The following AFF2 variants were observed in gnomAD, a reference collection of about 807,000 sequenced individuals.
AFF2 encodes AF4/FMR2 family member 2.
Under a neutral mutation model 76.9 loss-of-function variants are expected in AFF2, and 14 were observed. The observed-to-expected ratio is 0.18, with a 90% CI of 0.12 to 0.28. AFF2 has a LOEUF of 0.28. Among genes scored for constraint, AFF2 ranks in the 10% least tolerant of loss-of-function variants. AFF2 has a pLI of 1.00. For synonymous variants in AFF2, 398 were observed against 366.7 expected, an observed-to-expected ratio of 1.09 and a Z score of -0.98; for missense variants, 868 against 1,001.1, an observed-to-expected ratio of 0.87 and a Z score of 1.79.
chrX:148,844,323 C>T (rs2070639207), intron 7 of AFF2, among the ~76,000 whole-genome samples: 1 of 111,312 alleles, frequency 9.0e-6, no homozygotes, highest in Non-Finnish European at 1.9e-5. Context: ...CAGGAAGAGC[C>T]GGAATAAGAT....
intron 7 of AFF2, among the ~76,000 whole-genome samples, chrX:148,860,517 C>T (rs188394527): frequency 2.1e-4 from 23 of 111,522 alleles, no homozygotes; most frequent in African/African-American, 7.1e-4. Flanking sequence ...AGCAAAATGA[C>T]GCTGGAAAAG....
intron 1 of AFF2, among the ~76,000 whole-genome samples, chrX:148,546,588 C>T (rs1205503422): frequency 8.9e-6 from 1 of 112,501 alleles, no homozygotes; most frequent in Non-Finnish European, 1.9e-5. Context: ...ATCATTGTAT[C>T]ATGCTCTGTT....
At chrX:148,907,920 C>CT (rs1385869009) in intron 9 of AFF2, among the ~76,000 whole-genome samples, 1 of 110,027 alleles carries the variant, frequency 9.1e-6, no homozygotes, top group African/African-American at 3.3e-5. Context: ...TAGCCACCCC[C>CT]AAAGCGACCA....
At chrX:148,657,161 A>T (rs922890033) in intron 2 of AFF2, among the ~76,000 whole-genome samples, 2 of 112,076 alleles carry the variant, frequency 1.8e-5, no homozygotes, top group Non-Finnish European at 3.8e-5. Context: ...ATAGAGGTAG[A>T]GGCCAGATGG....
chrX:148,579,304 C>T (rs970490131), intron 1 of AFF2, among the ~76,000 whole-genome samples: 7 of 111,805 alleles, frequency 6.3e-5, no homozygotes, highest in African/African-American at 1.6e-4. Flanking sequence ...GTATTTGTTA[C>T]CAGATTGGCT....
At chrX:148,576,922 T>C (rs886323189) in intron 1 of AFF2, among the ~76,000 whole-genome samples, 1 of 111,669 alleles carries the variant, frequency 9.0e-6, no homozygotes, top group Admixed American at 9.6e-5. Flanking sequence ...ATTCTCTGTT[T>C]AATTGAAATG....
chrX:148,581,606 G>GTACACACATATATACGTATACGTA (rs1557245044), intron 1 of AFF2, among the ~76,000 whole-genome samples: 9 of 95,382 alleles, frequency 9.4e-5, no homozygotes, highest in Non-Finnish European at 1.7e-4. Context: ...ACGTATACGT[G>GTACACACATATATACGTATACGTA]TACACACATA....
chrX:148,984,358 T>C (rs2072437452), intron 19 of AFF2, among the ~76,000 whole-genome samples: 1 of 110,625 alleles, frequency 9.0e-6, no homozygotes, highest in South Asian at 3.9e-4. Flanking sequence ...GCATGCTCAT[T>C]TGCATGTGCC....
chrX:148,520,570 A>G (rs1217911280), intron 1 of AFF2, among the ~76,000 whole-genome samples: 1 of 111,881 alleles, frequency 8.9e-6, no homozygotes, highest in Non-Finnish European at 1.9e-5. Context: ...TTTCTTTTGG[A>G]TGCAATAGAA....
At chrX:148,934,633 C>T (rs782559170) in intron 9 of AFF2, among the ~76,000 whole-genome samples, 7 of 112,038 alleles carry the variant, frequency 6.2e-5, no homozygotes, top group East Asian at 5.6e-4. Context: ...GAGTCTCATT[C>T]GAACCTTGAT....
chrX:148,722,805 A>G (rs2055109462), intron 3 of AFF2, among the ~76,000 whole-genome samples: 1 of 110,951 alleles, frequency 9.0e-6, no homozygotes. Context: ...GTAGCATCTC[A>G]ACTGCCCCAA....
chrX:148,692,912 G>GGTTTTT (rs1231417213), intron 3 of AFF2, among the ~76,000 whole-genome samples: 6 of 110,575 alleles, frequency 5.4e-5, no homozygotes, highest in Non-Finnish European at 7.6e-5. Context: ...AAGGTGCCAG[G>GGTTTTT]GTTTTTGTTT....
chrX:148,541,959 G>C (rs1171292478), intron 1 of AFF2, among the ~76,000 whole-genome samples: 1 of 107,208 alleles, frequency 9.3e-6, no homozygotes, highest in African/African-American at 3.4e-5. Context: ...GCAGAAGTGG[G>C]TTTCACCCTT....
intron 9 of AFF2, among the ~76,000 whole-genome samples, chrX:148,933,384 G>A (rs1172619677): frequency 1.8e-5 from 2 of 111,718 alleles, no homozygotes; most frequent in Non-Finnish European, 3.8e-5. Context: ...AGCTGCGAGA[G>A]AATTTCGAGC....
At chrX:148,845,887 G>A (rs147123388) in intron 7 of AFF2, among the ~76,000 whole-genome samples, 45 of 112,168 alleles carry the variant, frequency 4.0e-4, no homozygotes, top group African/African-American at 1.4e-3. Flanking sequence ...TTAGAGTCTT[G>A]TAAAACAGAA....
At chrX:148,624,890 A>C (rs2053906956) in intron 1 of AFF2, among the ~76,000 whole-genome samples, 1 of 112,042 alleles carries the variant, frequency 8.9e-6, no homozygotes, top group Admixed American at 9.5e-5. Flanking sequence ...TTGTCCGAGG[A>C]TGTCTGGAAT....
At chrX:148,611,061 T>G (rs965181651) in intron 1 of AFF2, among the ~76,000 whole-genome samples, 1 of 111,926 alleles carries the variant, frequency 8.9e-6, no homozygotes, top group Admixed American at 9.5e-5. Flanking sequence ...CTTCCCAGTA[T>G]TCCTAGCAGA....
chrX:148,906,972 G>A (rs782230591), intron 9 of AFF2, among the ~76,000 whole-genome samples: 43 of 111,402 alleles, frequency 3.9e-4, no homozygotes, highest in Non-Finnish European at 7.0e-4. Flanking sequence ...TGGGTTCCAC[G>A]GTTCTCTTCC....
intron 9 of AFF2, among the ~76,000 whole-genome samples, chrX:148,910,575 T>C (rs2071457386): frequency 9.0e-6 from 1 of 111,716 alleles, no homozygotes; most frequent in Non-Finnish European, 1.9e-5. Context: ...GAAGGGACAA[T>C]GGGGGAGGAG....
Sources: gnomAD v4.1 joint callset for allele counts (sites outside exome capture counted in the v4.1 genomes callset) on GRCh38, gnomAD v4.1.1 for gene constraint, MANE v1.5 for transcripts, NCBI Gene and HGNC (gene_info 2026-07-23, HGNC 2026-07-21) for gene names.